Variants in CNTNAP2 observed in about 807,000 individuals in gnomAD.
The protein encoded by CNTNAP2 is contactin-associated protein-like 2.
Under a neutral mutation model 155.2 loss-of-function variants are expected in CNTNAP2, and 98 were observed. That is an observed-to-expected ratio of 0.63 (90% CI 0.54 to 0.75). The LOEUF (loss-of-function observed/expected upper bound fraction) is 0.75, where lower values mean the gene tolerates loss of function less well. Ranked by LOEUF, CNTNAP2 falls within the 30% of genes least tolerant of loss-of-function variation. CNTNAP2 has a pLI of 0.00. For missense variants in CNTNAP2, 1,727 were observed against 1,688.1 expected, an observed-to-expected ratio of 1.02 and a Z score of -0.40; for synonymous variants, 651 against 631.2, an observed-to-expected ratio of 1.03 and a Z score of -0.47.
At chr7:146,855,695 T>G (rs1020416670) in intron 3 of CNTNAP2, among the ~76,000 whole-genome samples, 1 of 151,456 alleles carries the variant, frequency 6.6e-6, no homozygotes, top group Non-Finnish European at 1.5e-5. Context: ...ATGAGTGATA[T>G]GTCAATTGTG....
At position 146,322,373 on chromosome 7, in the gene CNTNAP2, A is replaced by G. The variant is rs549243372; in HGVS notation, c.97+205400A>G. On this transcript the variant is annotated intron_variant, in intron 1 of 23. Transcript: ENST00000361727. ...GCTTTGGTAGTACCTCAGCTGGTCC[A>G]TTAAAAATGTGCATGATGTTTAGAG... Among the ~76,000 whole-genome samples, 12 of 152,310 alleles carry G rather than the reference A, an allele frequency of 7.9e-5. No homozygotes were observed. The East Asian group carries it at 2.1e-3, about 27-fold the overall frequency.
At position 148,123,843 on chromosome 7, in the gene CNTNAP2, A is replaced by C. The variant is rs114730500; in HGVS notation, c.2554+5555A>C. ...GTGGTACCCAGAAACCAAATGAAAA[A>C]GACATTTCAAAAAGGAAAAAAAGAG... On this transcript the variant is annotated intron_variant, in intron 16 of 23. Coordinates refer to ENST00000361727, the MANE Select transcript of CNTNAP2 (RefSeq NM_014141.6). Among the ~76,000 whole-genome samples the C allele has an allele frequency of 4.8e-3, 730 of 152,344 alleles. 6 individuals are homozygous for C. Among genetic ancestry groups the C allele is most frequent in the African/African-American group, 0.017 (689 of 41,580 alleles).
At chr7:147,035,041 C>G (rs558510098) in intron 3 of CNTNAP2, among the ~76,000 whole-genome samples, 1 of 152,308 alleles carries the variant, frequency 6.6e-6, no homozygotes, top group Admixed American at 6.5e-5. Flanking sequence ...CCTCCCATAT[C>G]GCATTCTGTT....
intron 15 of CNTNAP2, among the ~76,000 whole-genome samples, chr7:148,068,669 G>T (rs1316622286): frequency 6.6e-6 from 1 of 152,124 alleles, no homozygotes; most frequent in Admixed American, 6.5e-5. Context: ...CTTTTCTAGG[G>T]CTGATTTTTT....
At chr7:146,122,531 A>G (rs1797578654) in intron 1 of CNTNAP2, among the ~76,000 whole-genome samples, 1 of 152,228 alleles carries the variant, frequency 6.6e-6, no homozygotes, top group South Asian at 2.1e-4. Flanking sequence ...TTGATATTAA[A>G]CTAAATGAAC....
chr7:146,354,457 C>G (rs1794968863), intron 1 of CNTNAP2, among the ~76,000 whole-genome samples: 1 of 150,106 alleles, frequency 6.7e-6, no homozygotes, highest in Non-Finnish European at 1.5e-5. Flanking sequence ...CTCTGTCGCC[C>G]CGCCTGGAGT....
intron 15 of CNTNAP2, among the ~76,000 whole-genome samples, chr7:147,979,343 A>G (rs1414644829): frequency 1.3e-5 from 2 of 152,230 alleles, no homozygotes; most frequent in Non-Finnish European, 2.9e-5. Context: ...ATATTCACCT[A>G]AAGCAATAGT....
At chr7:146,361,788 C>T (rs923131892) in intron 1 of CNTNAP2, among the ~76,000 whole-genome samples, 13 of 141,268 alleles carry the variant, frequency 9.2e-5, no homozygotes, top group Non-Finnish European at 1.4e-4. Flanking sequence ...ACATAAATGT[C>T]GGTTATGGAA....
At chr7:146,961,893 G>A (rs1251778957) in intron 3 of CNTNAP2, among the ~76,000 whole-genome samples, 1 of 152,046 alleles carries the variant, frequency 6.6e-6, no homozygotes, top group Non-Finnish European at 1.5e-5. Context: ...CAGGGATTAC[G>A]GTCTCTGAAT....
At position 147,841,699 on chromosome 7, in the gene CNTNAP2, A is replaced by G. The variant is rs189550386; in HGVS notation, c.2099-61866A>G. On this transcript the variant is annotated intron_variant, in intron 13 of 23. Transcript: ENST00000361727. Reference sequence around the variant, plus strand: ...GTTTGAACAAGTCCCAAGTGGGAATAATTCAAATTAAAGCAAGAATGTGTC... The same window carrying G: ...GTTTGAACAAGTCCCAAGTGGGAATGATTCAAATTAAAGCAAGAATGTGTC... 5.1e-3 allele frequency among the ~76,000 whole-genome samples: 772 copies of G among 152,354 alleles called. 10 individuals are homozygous for G. Among genetic ancestry groups the G allele is most frequent in the Non-Finnish European group, 7.8e-3 (533 of 68,038 alleles).
intron 15 of CNTNAP2, among the ~76,000 whole-genome samples, chr7:148,106,563 G>T (rs1804228394): frequency 6.8e-6 from 1 of 146,588 alleles, no homozygotes; most frequent in Non-Finnish European, 1.5e-5. Context: ...GTCTCACTAT[G>T]TCGCCCAGGC....
intron 1 of CNTNAP2, among the ~76,000 whole-genome samples, chr7:146,641,291 A>G (rs929191376): frequency 2.6e-5 from 4 of 152,226 alleles, no homozygotes; most frequent in African/African-American, 7.2e-5. Flanking sequence ...GCACCACTGC[A>G]CTCCAGCCTG....
intron 13 of CNTNAP2, among the ~76,000 whole-genome samples, chr7:147,704,910 G>A (rs1206797095): frequency 6.6e-6 from 1 of 152,008 alleles, no homozygotes; most frequent in Non-Finnish European, 1.5e-5. Context: ...TGTAGTGTCA[G>A]TTGTAATGTC....
chr7:146,410,147 T>C (rs1337446048), intron 1 of CNTNAP2, among the ~76,000 whole-genome samples: 3 of 152,222 alleles, frequency 2.0e-5, no homozygotes, highest in African/African-American at 4.8e-5. Context: ...TTCGGAGTGA[T>C]GTTGATGTCT....
intron 3 of CNTNAP2, among the ~76,000 whole-genome samples, chr7:146,925,483 T>A (rs1298132678): frequency 1.3e-5 from 2 of 152,058 alleles, no homozygotes; most frequent in African/African-American, 4.8e-5. Flanking sequence ...TGATCTATTG[T>A]TATGAATTTA....
chr7:147,436,494 A>G (rs1033163146), intron 10 of CNTNAP2, among the ~76,000 whole-genome samples: 2 of 152,206 alleles, frequency 1.3e-5, no homozygotes, highest in Non-Finnish European at 2.9e-5. Flanking sequence ...AGAAAACAAA[A>G]AGCAGATGAG....
chr7:146,790,407 G>A (rs976670019), intron 2 of CNTNAP2, among the ~76,000 whole-genome samples: 2 of 152,182 alleles, frequency 1.3e-5, no homozygotes, highest in African/African-American at 4.8e-5. Flanking sequence ...CAAAGAAATA[G>A]CACTAACTAG....
chr7:147,376,218 A>G (rs559354048), intron 9 of CNTNAP2, among the ~76,000 whole-genome samples: 11 of 152,164 alleles, frequency 7.2e-5, no homozygotes, highest in African/African-American at 2.4e-4. Context: ...ATAACTCGGT[A>G]GTGAGAGCAC....
intron 1 of CNTNAP2, among the ~76,000 whole-genome samples, chr7:146,720,893 A>ATATTCTATATATATACAC (rs1801276372): frequency 7.2e-6 from 1 of 138,346 alleles, no homozygotes. Context: ...TATACTCTCT[A>ATATTCTATATATATACAC]TATATATTCT....
Sources: gnomAD v4.1 joint callset for allele counts (sites outside exome capture counted in the v4.1 genomes callset) on GRCh38, gnomAD v4.1.1 for gene constraint, MANE v1.5 for transcripts, NCBI Gene and HGNC (gene_info 2026-07-23, HGNC 2026-07-21) for gene names.